The following TPD52L1 variants were observed in gnomAD, a reference collection of about 807,000 sequenced individuals.
The protein encoded by TPD52L1 is TPD52 like 1.
In TPD52L1, 18 loss-of-function variants were observed where a neutral mutation model predicts 28.7. That is an observed-to-expected ratio of 0.63 (90% CI 0.43 to 0.93). The LOEUF is 0.93. Ranked by LOEUF, TPD52L1 falls within the 40% of genes least tolerant of loss-of-function variation. The pLI, the probability that TPD52L1 is intolerant of heterozygous loss-of-function variation, is 0.00. For synonymous variants in TPD52L1, 75 were observed against 88.8 expected (o/e 0.84, Z 0.88); for missense variants, 203 against 254.8 (o/e 0.80, Z 1.39).
At chr6:125,224,149 C>A (rs557600809) in intron 2 of TPD52L1, among the ~76,000 whole-genome samples, 122 of 151,962 alleles carry the variant, frequency 8.0e-4, no homozygotes, top group Non-Finnish European at 1.6e-3. Context: ...CACTAAGCTG[C>A]ATTTTATGTT....
intron 1 of TPD52L1, among the ~76,000 whole-genome samples, chr6:125,197,139 G>C (rs1232818335): frequency 6.6e-6 from 1 of 152,110 alleles, no homozygotes; most frequent in African/African-American, 2.4e-5. Flanking sequence ...TTTTAGCCCA[G>C]CCTTCTTGCT....
Position 125,166,059 on chromosome 6 carries a change from G to T in TPD52L1, c.19+12089G>T, listed in dbSNP as rs150067543. ...ACCCAAAAAAAGAAAGCTTTTTATTGCCTCATGAGTATTATAATTACTTGT... is the reference window on the plus strand; with the variant it reads ...ACCCAAAAAAAGAAAGCTTTTTATTTCCTCATGAGTATTATAATTACTTGT... On this transcript the variant is annotated intron_variant, in intron 1 of 6. Transcript: ENST00000534000. Among the ~76,000 whole-genome samples, 276 of 152,162 alleles carry T rather than the reference G, an allele frequency of 1.8e-3. 1 individual carries two copies. The highest frequency in any genetic ancestry group is 6.3e-3 in the African/African-American group (261 of 41,518).
intron 1 of TPD52L1, among the ~76,000 whole-genome samples, chr6:125,174,014 T>A (rs533775236): frequency 1.3e-5 from 2 of 152,328 alleles, no homozygotes; most frequent in African/African-American, 4.8e-5. Context: ...CAGTCCCTTA[T>A]TAGCGATGTG....
intron 1 of TPD52L1, among the ~76,000 whole-genome samples, chr6:125,218,723 G>A (rs1242757276): frequency 6.6e-6 from 1 of 152,114 alleles, no homozygotes; most frequent in African/African-American, 2.4e-5. Flanking sequence ...CCTGTGAATG[G>A]TTTAAAGGTG....
At chr6:125,246,752 C>T (rs911611261) in intron 3 of TPD52L1, among the ~76,000 whole-genome samples, 4 of 151,958 alleles carry the variant, frequency 2.6e-5, no homozygotes, top group Non-Finnish European at 5.9e-5. Context: ...TGCCATCTGG[C>T]ATCCACATTC....
intron 1 of TPD52L1, among the ~76,000 whole-genome samples, chr6:125,192,316 A>G (rs2114862558): frequency 6.8e-6 from 1 of 146,448 alleles, no homozygotes; most frequent in Middle Eastern, 3.5e-3. Flanking sequence ...AACAACAAAA[A>G]AAATCTTTTT....
At chr6:125,208,594 A>G (rs1362257469) in intron 1 of TPD52L1, among the ~76,000 whole-genome samples, 1 of 151,934 alleles carries the variant, frequency 6.6e-6, no homozygotes, top group Non-Finnish European at 1.5e-5. Context: ...GTTTTTAGAG[A>G]CATTTTCTTA....
chr6:125,203,039 C>G (rs1018987691), intron 1 of TPD52L1, among the ~76,000 whole-genome samples: 1 of 152,074 alleles, frequency 6.6e-6, no homozygotes, highest in Non-Finnish European at 1.5e-5. Flanking sequence ...GGAGGTTTAT[C>G]TTGTCAGGTT....
chr6:125,257,100 ATTCTCCTACTTTC>A lies in TPD52L1; in HGVS notation c.429_441del (p.Asn143LysfsTer19). On this transcript the variant is annotated frameshift_variant, in exon 6 of 7. Coordinates refer to ENST00000534000, the MANE Select transcript of TPD52L1 (RefSeq NM_003287.4). LOFTEE classifies it high-confidence loss of function. ...CCTCTCTCTTTTTGTTATTTTAGGA[ATTCTCCTACTTTC>A]AAATCATTTGAGGAGAGGGTTGAGA... The A allele has an allele frequency of 6.2e-7, 1 of 1,611,090 alleles. No individual in the cohort carries two copies. The highest frequency in any genetic ancestry group is 1.1e-5 in the South Asian group (1 of 90,648).
chr6:125,198,380 A>G (rs1008152802), intron 1 of TPD52L1, among the ~76,000 whole-genome samples: 4 of 152,134 alleles, frequency 2.6e-5, no homozygotes, highest in Admixed American at 2.6e-4. Context: ...CCTTTCCTTC[A>G]TTGTCCATCT....
At chr6:125,209,374 A>G (rs946772985) in intron 1 of TPD52L1, among the ~76,000 whole-genome samples, 3 of 151,920 alleles carry the variant, frequency 2.0e-5, no homozygotes, top group African/African-American at 7.3e-5. Context: ...GCTTCAGGAG[A>G]CTCCGGGAAA....
chr6:125,184,638 T>C (rs72973393), intron 1 of TPD52L1, among the ~76,000 whole-genome samples: 3,643 of 152,320 alleles, frequency 0.024, 60 homozygotes, highest in Middle Eastern at 0.048. Context: ...ATTTGATTCC[T>C]AGTATTAGGC....
chr6:125,162,413 G>A (rs1209529680), intron 1 of TPD52L1, among the ~76,000 whole-genome samples: 1 of 152,134 alleles, frequency 6.6e-6, no homozygotes, highest in Non-Finnish European at 1.5e-5. Context: ...TATAAGCAAA[G>A]GAGTCCATTT....
In TPD52L1 at chr6:125,216,770, A is replaced by C. The variant is rs531042758; in HGVS notation, c.20-3308A>C. Among the ~76,000 whole-genome samples the C allele has an allele frequency of 3.3e-5, 5 of 152,032 alleles. No homozygotes were observed. In the South Asian group the frequency reaches 1.0e-3, roughly 32 times the overall value. On this transcript the variant is annotated intron_variant, in intron 1 of 6. Transcript: ENST00000534000. Reference sequence around the variant, plus strand: ...GCTTCTGGCATAGAGAGAAGGGATGAGGATCTGATGAACGTGGATCAGCAA... The same window carrying C: ...GCTTCTGGCATAGAGAGAAGGGATGCGGATCTGATGAACGTGGATCAGCAA...
At chr6:125,180,561 AT>A (rs1300926724) in intron 1 of TPD52L1, among the ~76,000 whole-genome samples, 1 of 132,906 alleles carries the variant, frequency 7.5e-6, no homozygotes, top group African/African-American at 3.6e-5. Flanking sequence ...ACACACATAT[AT>A]TATATATACA....
chr6:125,209,533 A>G (rs996637387), intron 1 of TPD52L1, among the ~76,000 whole-genome samples: 4 of 152,188 alleles, frequency 2.6e-5, no homozygotes, highest in Non-Finnish European at 5.9e-5. Context: ...CAGGTAAACT[A>G]TTGAAAGGCC....
At chr6:125,198,433 A>C (rs1793583879) in intron 1 of TPD52L1, among the ~76,000 whole-genome samples, 3 of 152,110 alleles carry the variant, frequency 2.0e-5, no homozygotes, top group African/African-American at 7.2e-5. Context: ...ATCCCTGCAT[A>C]CATACTTGCA....
rs184221740 is a variant in TPD52L1 at position 125,240,590 on chromosome 6, G to A, written c.285-7692G>A. ...TTATTTTTTATTTTTTGCAGCTATC[G>A]TAAAAGGGATTGAGTTCTTTATTTG... On this transcript the variant is annotated intron_variant, in intron 3 of 6. Coordinates refer to ENST00000534000, the MANE Select transcript of TPD52L1 (RefSeq NM_003287.4). Among the ~76,000 whole-genome samples, 200 of 151,992 alleles carry A rather than the reference G, an allele frequency of 1.3e-3. 1 individual carries two copies. The highest frequency in any genetic ancestry group is 3.6e-3 in the African/African-American group (148 of 41,500).
chr6:125,216,186 C>T (rs74603054), intron 1 of TPD52L1, among the ~76,000 whole-genome samples: 9,460 of 152,178 alleles, frequency 0.062, 953 homozygotes, highest in African/African-American at 0.21. Context: ...CTGTTCCCTA[C>T]ATTCTCTTGA....
Sources: gnomAD v4.1 joint callset for allele counts (sites outside exome capture counted in the v4.1 genomes callset) on GRCh38, gnomAD v4.1.1 for gene constraint, MANE v1.5 for transcripts, NCBI Gene and HGNC (gene_info 2026-07-23, HGNC 2026-07-21) for gene names.